The following CABIN1 variants were observed in gnomAD, a reference collection of about 807,000 sequenced individuals.
CABIN1 encodes the protein calcineurin-binding protein cabin-1.
Under a neutral mutation model 227.7 loss-of-function variants are expected in CABIN1, and 133 were observed. The ratio of observed to expected loss-of-function variants is 0.58; its 90% CI spans 0.51 to 0.67. The LOEUF (loss-of-function observed/expected upper bound fraction) is 0.67. CABIN1 is among the 30% of genes least tolerant of loss of function. The pLI, the probability that CABIN1 is intolerant of heterozygous loss-of-function variation, is 0.00. For synonymous variants in CABIN1, 1,086 were observed against 1,155.1 expected (o/e 0.94, Z 1.21); for missense variants, 2,408 against 2,852.5 (o/e 0.84, Z 3.55).
chr22:24,094,784 T>C (rs2041781172), intron 24 of CABIN1, among the ~76,000 whole-genome samples: 1 of 131,578 alleles, frequency 7.6e-6, no homozygotes, highest in Non-Finnish European at 1.5e-5. Context: ...GCCACTGCAG[T>C]CCGCAGTCCG....
chr22:24,108,577 C>T (rs2042641447), intron 26 of CABIN1, among the ~76,000 whole-genome samples: 1 of 152,222 alleles, frequency 6.6e-6, no homozygotes, highest in South Asian at 2.1e-4. Flanking sequence ...GTTCTGTCAG[C>T]CCAGCTGATA....
chr22:24,141,693 T>C (rs2044770310), intron 29 of CABIN1, among the ~76,000 whole-genome samples: 1 of 152,014 alleles, frequency 6.6e-6, no homozygotes, highest in South Asian at 2.1e-4. Flanking sequence ...GTGTCTCCCA[T>C]GTGAGTGGGG....
intron 26 of CABIN1, among the ~76,000 whole-genome samples, chr22:24,108,248 G>C (rs895167702): frequency 6.6e-6 from 1 of 152,212 alleles, no homozygotes; most frequent in African/African-American, 2.4e-5. Flanking sequence ...ATGTGGGTCT[G>C]GGAGCCCAAC....
chr22:24,156,059 C>G, intron 29 of CABIN1: 1 of 435,252 alleles, frequency 2.3e-6, no homozygotes, highest in East Asian at 3.6e-5. Context: ...TGCACAGATG[C>G]CACGGCGGAG....
At chr22:24,117,850 C>T (rs966874678) in intron 27 of CABIN1, among the ~76,000 whole-genome samples, 1 of 152,236 alleles carries the variant, frequency 6.6e-6, no homozygotes. Context: ...CAGGGCTGAT[C>T]CCAGCATTAT....
At chr22:24,134,551 T>C in intron 29 of CABIN1, 136 bp downstream of exon 29, 1 of 720,470 alleles carries the variant, frequency 1.4e-6, no homozygotes, top group Non-Finnish European at 2.5e-6. Flanking sequence ...GGCAGGGTGG[T>C]ACAGTCGAGA....
intron 29 of CABIN1, among the ~76,000 whole-genome samples, chr22:24,161,035 A>G (rs2046124009): frequency 6.6e-6 from 1 of 152,202 alleles, no homozygotes; most frequent in Non-Finnish European, 1.5e-5. Context: ...TCAAGAGCAG[A>G]GGGAAGACCA....
At chr22:24,103,036 G>A (rs2042303431) in intron 26 of CABIN1, 1 of 152,376 alleles carries the variant, frequency 6.6e-6, no homozygotes, top group South Asian at 2.1e-4. Context: ...CTGTTCTCCA[G>A]GCTTTGTCTT....
chr22:24,139,032 A>G (rs2044585364), intron 29 of CABIN1, among the ~76,000 whole-genome samples: 2 of 152,316 alleles, frequency 1.3e-5, no homozygotes, highest in Admixed American at 6.5e-5. Flanking sequence ...AACAAGGGCT[A>G]TGGGAGTTAG....
chr22:24,029,058 G>A (rs1027429866), intron 1 of CABIN1, among the ~76,000 whole-genome samples: 2 of 152,086 alleles, frequency 1.3e-5, no homozygotes, highest in Non-Finnish European at 2.9e-5. Flanking sequence ...GCAGGTACTC[G>A]ATATTTAAAA....
intron 1 of CABIN1, among the ~76,000 whole-genome samples, chr22:24,015,809 T>C (rs1363087944): frequency 6.6e-6 from 1 of 151,820 alleles, no homozygotes; most frequent in Non-Finnish European, 1.5e-5. Context: ...ACAAAAAAAA[T>C]TAGCTGGGCA....
chr22:24,109,461 C>T (rs1424948137), intron 26 of CABIN1, among the ~76,000 whole-genome samples: 2 of 152,034 alleles, frequency 1.3e-5, no homozygotes, highest in African/African-American at 4.8e-5. Flanking sequence ...AGCAATCCTC[C>T]CTCCTTGGCC....
intron 1 of CABIN1, among the ~76,000 whole-genome samples, chr22:24,030,364 T>G (rs970789953): frequency 6.6e-5 from 10 of 152,192 alleles, no homozygotes; most frequent in African/African-American, 2.4e-4. Flanking sequence ...TCAGCTAGTC[T>G]CCCTAAGCCT....
chr22:24,089,331 T>C (rs909174482), intron 23 of CABIN1, among the ~76,000 whole-genome samples: 2 of 152,218 alleles, frequency 1.3e-5, no homozygotes, highest in Admixed American at 1.3e-4. Flanking sequence ...CCACATACTT[T>C]TTCCCTTTGC....
At chr22:24,121,823 G>A (rs907912605) in intron 28 of CABIN1, among the ~76,000 whole-genome samples, 6 of 152,368 alleles carry the variant, frequency 3.9e-5, no homozygotes, top group Admixed American at 2.6e-4. Context: ...TGCCTCCTCA[G>A]GCAGCCATGC....
At chr22:24,072,016 C>G (rs909730750) in intron 17 of CABIN1, among the ~76,000 whole-genome samples, 1 of 152,200 alleles carries the variant, frequency 6.6e-6, no homozygotes, top group African/African-American at 2.4e-5. Flanking sequence ...AGCAGCCATA[C>G]TGACTCTTTG....
At chr22:24,054,210 T>C (rs2038596172) in intron 8 of CABIN1, among the ~76,000 whole-genome samples, 1 of 152,148 alleles carries the variant, frequency 6.6e-6, no homozygotes, top group African/African-American at 2.4e-5. Context: ...CATTGTAGCA[T>C]ACCACGCAGC....
In CABIN1 at chr22:24,013,197, C is replaced by CTTT. The variant is rs35584227; in HGVS notation, c.-75+1846_-75+1848dup. 2.1e-3 allele frequency among the ~76,000 whole-genome samples: 240 copies of CTTT among 113,480 alleles called. 6 individuals carry two copies. The highest frequency in any genetic ancestry group is 3.1e-3 in the African/African-American group (87 of 28,446). 74.4% of individuals were successfully genotyped at this position (113,480 alleles called of 152,430 possible). On this transcript the variant is annotated intron_variant, in intron 1 of 36. Transcript: ENST00000263119. ...ATCAAAATGGTTATTTCTTTTTAAGCTTTTTTTTTTTTTTTTTTGAGATGG... is the reference window on the plus strand; with the variant it reads ...ATCAAAATGGTTATTTCTTTTTAAGCTTTTTTTTTTTTTTTTTTTTTGAGATGG...
At chr22:24,114,412 G>T (rs180756427) in intron 27 of CABIN1, among the ~76,000 whole-genome samples, 1 of 151,944 alleles carries the variant, frequency 6.6e-6, no homozygotes, top group South Asian at 2.1e-4. Context: ...GGGCTTACAC[G>T]TGTTCCTCAA....
Sources: allele counts gnomAD v4.1 joint callset (sites outside exome capture counted in the v4.1 genomes callset), GRCh38; gene constraint gnomAD v4.1.1; transcripts MANE v1.5; gene names NCBI Gene and HGNC (gene_info 2026-07-23, HGNC 2026-07-21).